CLASP1: variants seen among roughly 807,000 people sequenced by gnomAD.
CLASP1 encodes the protein CLIP-associating protein 1.
A neutral mutation model predicts 192.3 loss-of-function variants in CLASP1; 38 were observed. The observed-to-expected ratio is 0.20, with a 90% CI of 0.15 to 0.26. The LOEUF (loss-of-function observed/expected upper bound fraction) is 0.26. Ranked by LOEUF, CLASP1 falls within the 10% of genes least tolerant of loss-of-function variation. The probability of loss-of-function intolerance (pLI) is 1.00; values close to 1 mark genes in which losing one functional copy is unlikely to be tolerated. For synonymous variants in CLASP1, 691 were observed against 712.8 expected (o/e 0.97, Z 0.49); for missense variants, 1,433 against 1,932.5 (o/e 0.74, Z 4.85).
intron 1 of CLASP1, among the ~76,000 whole-genome samples, chr2:121,640,851 T>C (rs1281411084): frequency 1.3e-5 from 2 of 152,360 alleles, no homozygotes; most frequent in East Asian, 3.9e-4. Context: ...ACTGTAAGAA[T>C]TGGCAGAAGT....
intron 34 of CLASP1, among the ~76,000 whole-genome samples, chr2:121,376,090 T>C (rs2070043454): frequency 6.6e-6 from 1 of 152,204 alleles, no homozygotes; most frequent in Non-Finnish European, 1.5e-5. Flanking sequence ...AGAATGTACA[T>C]TAGTATAGCC....
chr2:121,644,084 TATCTC>T (rs1337695295), intron 1 of CLASP1, among the ~76,000 whole-genome samples: 1 of 152,164 alleles, frequency 6.6e-6, no homozygotes, highest in African/African-American at 2.4e-5. Flanking sequence ...TTACACGTAT[TATCTC>T]ATTTAATCCT....
chr2:121,374,640 G>C (rs929245657), intron 34 of CLASP1, among the ~76,000 whole-genome samples: 2 of 152,224 alleles, frequency 1.3e-5, no homozygotes, highest in African/African-American at 4.8e-5. Flanking sequence ...CCAAGGCCTT[G>C]GGAGCCTACT....
At chr2:121,577,228 A>AC (rs1402637865) in intron 2 of CLASP1, among the ~76,000 whole-genome samples, 1 of 152,134 alleles carries the variant, frequency 6.6e-6, no homozygotes, top group African/African-American at 2.4e-5. Context: ...TCTTTAAAAA[A>AC]AAAAAAAATC....
At position 121,612,455 on chromosome 2, in the gene CLASP1, A is replaced by G. The variant is rs187178984; in HGVS notation, c.-285-6275T>C. Among the ~76,000 whole-genome samples the G allele has an allele frequency of 6.8e-3, 1,029 of 151,554 alleles. 43 individuals are homozygous for G. Among genetic ancestry groups the G allele is most frequent in the Admixed American group, 0.063 (950 of 15,172 alleles). ...GAGGAGGAGGACTTGGAGGAGGAGG[A>G]AAAGTGGAAGGAAGAGGAGGAATTA... is the stretch of plus-strand genomic sequence containing the variant. On this transcript the variant is annotated intron_variant, in intron 1 of 39. Transcript: ENST00000263710.
exon 40 of CLASP1, chr2:121,339,388 T>C (rs1245051607): frequency 6.6e-6 from 1 of 152,218 alleles, no homozygotes; most frequent in Non-Finnish European, 1.5e-5. Context: ...CAATAGCAAA[T>C]ACGTTATTAG....
At chr2:121,562,022 T>C (rs1263434925) in intron 2 of CLASP1, among the ~76,000 whole-genome samples, 1 of 152,232 alleles carries the variant, frequency 6.6e-6, no homozygotes, top group Non-Finnish European at 1.5e-5. Flanking sequence ...GTATTCTTTG[T>C]CTTCTGTGGT....
intron 1 of CLASP1, among the ~76,000 whole-genome samples, chr2:121,611,361 G>T (rs2065442497): frequency 7.1e-6 from 1 of 140,888 alleles, no homozygotes; most frequent in Non-Finnish European, 1.5e-5. Context: ...AACTGGAGGA[G>T]GAGGTGTTGG....
At chr2:121,365,591 C>A (rs1028469200) in intron 35 of CLASP1, among the ~76,000 whole-genome samples, 2 of 152,224 alleles carry the variant, frequency 1.3e-5, no homozygotes, top group Non-Finnish European at 2.9e-5. Flanking sequence ...AGAAGAAATG[C>A]CTGTATCCGC....
chr2:121,454,735 G>T (rs2086257997), intron 14 of CLASP1, among the ~76,000 whole-genome samples: 1 of 152,132 alleles, frequency 6.6e-6, no homozygotes, highest in Non-Finnish European at 1.5e-5. Context: ...TAAACATCTT[G>T]CAATGTTCCA....
intron 30 of CLASP1, among the ~76,000 whole-genome samples, chr2:121,391,094 A>T (rs1364595588): frequency 6.6e-6 from 1 of 152,242 alleles, no homozygotes; most frequent in Non-Finnish European, 1.5e-5. Flanking sequence ...ACAAACGTCG[A>T]CACAGGCACA....
At chr2:121,500,292 GA>G (rs1457397264) in intron 8 of CLASP1, among the ~76,000 whole-genome samples, 1 of 149,104 alleles carries the variant, frequency 6.7e-6, no homozygotes, top group Non-Finnish European at 1.5e-5. Flanking sequence ...GGGAGAGAGA[GA>G]AAGAGGGAGA....
chr2:121,399,825 G>A (rs1457578491), intron 28 of CLASP1, among the ~76,000 whole-genome samples: 1 of 152,156 alleles, frequency 6.6e-6, no homozygotes, highest in Non-Finnish European at 1.5e-5. Context: ...CTGGTCATTG[G>A]TAAATTCACC....
intron 30 of CLASP1, among the ~76,000 whole-genome samples, chr2:121,395,891 C>T (rs1313478970): frequency 6.6e-6 from 1 of 152,168 alleles, no homozygotes; most frequent in Non-Finnish European, 1.5e-5. Flanking sequence ...GAGCAACACT[C>T]CGTAGCAAGA....
At chr2:121,489,697 A>G (rs1170264280) in intron 8 of CLASP1, among the ~76,000 whole-genome samples, 1 of 152,232 alleles carries the variant, frequency 6.6e-6, no homozygotes, top group African/African-American at 2.4e-5. Context: ...GGAAAGACTG[A>G]AACCTAATCA....
intron 22 of CLASP1, among the ~76,000 whole-genome samples, chr2:121,420,956 C>T (rs937314077): frequency 2.0e-5 from 3 of 152,236 alleles, no homozygotes; most frequent in South Asian, 2.1e-4. Flanking sequence ...GGTTTACCCC[C>T]CTCCGGTATT....
At chr2:121,345,831 C>T (rs1458393605) in intron 39 of CLASP1, among the ~76,000 whole-genome samples, 1 of 152,170 alleles carries the variant, frequency 6.6e-6, no homozygotes, top group East Asian at 1.9e-4. Flanking sequence ...GGCATCTGGC[C>T]AGGTGTGAGA....
intron 2 of CLASP1, among the ~76,000 whole-genome samples, chr2:121,598,925 G>C (rs2063454429): frequency 6.6e-6 from 1 of 152,112 alleles, no homozygotes; most frequent in Non-Finnish European, 1.5e-5. Flanking sequence ...GAGTGCAGTG[G>C]TGCAACCTCA....
chr2:121,478,097 C>T lies in CLASP1; in HGVS notation c.713-8137G>A, dbSNP rs143394860. ...ATTAAAAATCCTCAAAAAATACTAG[C>T]GAACCAAATTCAGCAACATATAAAA... On this transcript the variant is annotated intron_variant, in intron 8 of 39. Coordinates refer to ENST00000263710, the Ensembl canonical transcript of CLASP1. Among the ~76,000 whole-genome samples, 318 of 152,178 alleles carry T rather than the reference C, an allele frequency of 2.1e-3. 1 individual carries two copies. The highest frequency in any genetic ancestry group is 6.1e-3 in the African/African-American group (253 of 41,526).
Sources: gnomAD v4.1 joint callset for allele counts (sites outside exome capture counted in the v4.1 genomes callset) on GRCh38, gnomAD v4.1.1 for gene constraint, MANE v1.5 for transcripts, NCBI Gene and HGNC (gene_info 2026-07-23, HGNC 2026-07-21) for gene names.